RAPH1: variants seen among roughly 807,000 people sequenced by gnomAD.
RAPH1 encodes ras-associated and pleckstrin homology domains-containing protein 1.
RAPH1 carries 18 observed loss-of-function variants against 88.1 expected under a neutral mutation model. The ratio of observed to expected loss-of-function variants is 0.20; its 90% CI spans 0.14 to 0.30. RAPH1 has a LOEUF of 0.30. RAPH1 is among the 10% of genes least tolerant of loss of function. The probability of loss-of-function intolerance (pLI) is 1.00; values close to 1 mark genes in which losing one functional copy is unlikely to be tolerated. For missense variants in RAPH1, 1,448 were observed against 1,543.2 expected (o/e 0.94, Z 1.03); for synonymous variants, 587 against 559.0 (o/e 1.05, Z -0.71).
At chr2:203,476,310 A>C (rs1281886738) in intron 4 of RAPH1, among the ~76,000 whole-genome samples, 1 of 152,060 alleles carries the variant, frequency 6.6e-6, no homozygotes, top group Admixed American at 6.6e-5. Context: ...AGCTGGGATT[A>C]CAGGCATGTG....
chr2:203,519,310 A>T (rs1255327401), intron 1 of RAPH1, among the ~76,000 whole-genome samples: 1 of 152,216 alleles, frequency 6.6e-6, no homozygotes, highest in African/African-American at 2.4e-5. Flanking sequence ...ACCAAGTAAG[A>T]TTTATCTCAA....
chr2:203,516,814 A>C (rs1298479942), intron 1 of RAPH1, among the ~76,000 whole-genome samples: 1 of 152,096 alleles, frequency 6.6e-6, no homozygotes, highest in Non-Finnish European at 1.5e-5. Flanking sequence ...CAGGCGGATC[A>C]TGACGTCAGG....
At chr2:203,473,453 G>C (rs2098534856) in intron 4 of RAPH1, among the ~76,000 whole-genome samples, 1 of 152,062 alleles carries the variant, frequency 6.6e-6, no homozygotes, top group Non-Finnish European at 1.5e-5. Flanking sequence ...AGTAAATTAT[G>C]TAGTTTTAAA....
chr2:203,465,605 C>T (rs982832539), intron 4 of RAPH1, among the ~76,000 whole-genome samples: 16 of 152,100 alleles, frequency 1.1e-4, no homozygotes, highest in Non-Finnish European at 2.2e-4. Flanking sequence ...TGTACAACAC[C>T]GGCAAGGCAT....
chr2:203,481,869 T>C (rs1011305622), intron 4 of RAPH1, among the ~76,000 whole-genome samples: 2 of 151,488 alleles, frequency 1.3e-5, no homozygotes, highest in Admixed American at 6.6e-5. Context: ...CCCAAAGTAT[T>C]AGGATTACGG....
chr2:203,490,206 T>A, intron 3 of RAPH1, 117 bp from the exon 4 acceptor site: 1 of 1,027,724 alleles, frequency 9.7e-7, no homozygotes, highest in Non-Finnish European at 1.4e-6. Flanking sequence ...CAAATAAAAT[T>A]AAGTATTTCT....
At chr2:203,461,948 A>G (rs2098524521) in intron 4 of RAPH1, 23 bp from the exon 5 acceptor site, 6 of 1,585,626 alleles carry the variant, frequency 3.8e-6, no homozygotes, top group Non-Finnish European at 5.2e-6. Flanking sequence ...AGCATTTCAG[A>G]TAAACAATGC....
chr2:203,490,183 G>A lies in RAPH1; in HGVS notation c.227-94C>T, dbSNP rs377142365. The A allele has an allele frequency of 2.9e-5, 37 of 1,260,336 alleles. No individual in the cohort carries two copies. In the African/African-American group the frequency reaches 5.0e-4, roughly 17 times the overall value. 78.1% of individuals were successfully genotyped at this position (1,260,336 alleles called of 1,614,324 possible). A position where few individuals can be genotyped will look rare whatever the true frequency, so the allele number is the denominator to read the frequency against. Reference sequence around the variant, plus strand: ...GTGATGAAGCAAAAGAATATATTTTGTTGGGCCTAAAGCAAATAAAATTAA... The same window carrying A: ...GTGATGAAGCAAAAGAATATATTTTATTGGGCCTAAAGCAAATAAAATTAA... On this transcript the variant is annotated intron_variant, in intron 3 of 13. Coordinates refer to ENST00000319170, the MANE Select transcript of RAPH1 (RefSeq NM_213589.3).
At chr2:203,520,993 G>C (rs1689841199) in intron 1 of RAPH1, among the ~76,000 whole-genome samples, 1 of 152,182 alleles carries the variant, frequency 6.6e-6, no homozygotes, top group Admixed American at 6.5e-5. Context: ...AGAATGAACT[G>C]GATCTATGAA....
chr2:203,448,804 G>T lies in RAPH1; in HGVS notation c.1446C>A (p.Ile482=). The T allele has an allele frequency of 6.2e-7, 1 of 1,610,932 alleles. No individual in the cohort carries two copies. Among genetic ancestry groups the T allele is most frequent in the South Asian group, 1.1e-5 (1 of 90,428 alleles). Residue 482 remains isoleucine, a synonymous_variant, in exon 11 of 14, where the codon ATC becomes ATA. Coordinates refer to ENST00000319170, the MANE Select transcript of RAPH1 (RefSeq NM_213589.3). The surrounding 1 kb of genome is among the most constrained non-coding windows in gnomAD (Gnocchi z 4.1). ...TCACATCATCACAACAAAGGTATTT[G>T]ATATATTGAGATTTCTTCTGGATTT... is the stretch of plus-strand genomic sequence containing the variant. ...HPQIQKKSQY[I]KYLCCDDVRT... is the part of the protein sequence containing the mutation.
intron 7 of RAPH1, among the ~76,000 whole-genome samples, chr2:203,457,825 C>T (rs1047848303): frequency 6.6e-6 from 1 of 152,164 alleles, no homozygotes; most frequent in African/African-American, 2.4e-5. Flanking sequence ...GTCCACTTGT[C>T]ATAAACTGTC....
chr2:203,521,834 C>A (rs1014091987), intron 1 of RAPH1, among the ~76,000 whole-genome samples: 1 of 152,032 alleles, frequency 6.6e-6, no homozygotes, highest in Admixed American at 6.6e-5. Context: ...AATGTACACA[C>A]ACATATGAGG....
At chr2:203,445,153 C>T (rs1273702448) in intron 12 of RAPH1, 143 bp from the exon 13 acceptor site, 1 of 592,546 alleles carries the variant, frequency 1.7e-6, no homozygotes, top group Admixed American at 3.6e-5. Context: ...TCATCATAAA[C>T]ACAGCCAGTA....
At chr2:203,513,351 C>CTTTTTTTTTTTTTTTTTTTTTTTTT (rs35194583) in intron 1 of RAPH1, among the ~76,000 whole-genome samples, 1 of 86,912 alleles carries the variant, frequency 1.2e-5, no homozygotes, top group African/African-American at 4.8e-5. Context: ...TTCTCTCAAT[C>CTTTTTTTTTTTTTTTTTTTTTTTTT]TTTTTTTTTT....
intron 4 of RAPH1, among the ~76,000 whole-genome samples, chr2:203,469,458 G>C (rs539620965): frequency 6.6e-6 from 1 of 152,228 alleles, no homozygotes; most frequent in South Asian, 2.1e-4. Context: ...TACAAGGTTA[G>C]AAAGAAATTA....
At position 203,457,187 on chromosome 2, in the gene RAPH1, ATT is replaced by A. The variant is rs1398168322; in HGVS notation, c.1158+341_1158+342del. Among the ~76,000 whole-genome samples the A allele has an allele frequency of 5.1e-4, 78 of 151,594 alleles. 1 individual carries two copies. The East Asian group carries it at 0.015, about 29-fold the overall frequency. ...ATTTAATATTTTATTTTATTTATTTATTTATTTATTTATTTTATTGAGACAGA... is the reference window on the plus strand; with the variant it reads ...ATTTAATATTTTATTTTATTTATTTATATTTATTTATTTTATTGAGACAGA... On this transcript the variant is annotated intron_variant, in intron 8 of 13. Transcript: ENST00000319170.
chr2:203,530,252 T>A (rs1471433400), intron 1 of RAPH1, among the ~76,000 whole-genome samples: 2 of 152,208 alleles, frequency 1.3e-5, no homozygotes, highest in Non-Finnish European at 2.9e-5. Context: ...CTCATCCAGA[T>A]GAAATTTTAC....
chr2:203,495,316 G>A lies in RAPH1; in HGVS notation c.38C>T (p.Ala13Val), dbSNP rs751899878. ...QLSDEEIDHG[A>V]EEDSDKEDQD... ...ATCTTCCTTGTCACTGTCTTCTTCA[G>A]CACCATGATCAATTTCTTCATCTGA... Residue 13 changes from alanine to valine, a missense_variant, in exon 2 of 14, where the codon GCT becomes GTT. This residue lies in a region of RAPH1 where 513 missense variants were observed against 653.1 expected (regional missense o/e 0.79). Coordinates refer to ENST00000319170, the MANE Select transcript of RAPH1 (RefSeq NM_213589.3). 3 of 1,613,888 alleles carry A rather than the reference G, an allele frequency of 1.9e-6. No homozygotes were observed. In the Admixed American group the frequency reaches 5.0e-5, roughly 27 times the overall value.
At chr2:203,492,148 C>T (rs970850881) in intron 2 of RAPH1, among the ~76,000 whole-genome samples, 35 of 151,148 alleles carry the variant, frequency 2.3e-4, no homozygotes, top group South Asian at 4.2e-4. Flanking sequence ...GCAGGAGAAT[C>T]GCTTAAGCCT....
Sources: allele counts gnomAD v4.1 joint callset (sites outside exome capture counted in the v4.1 genomes callset), GRCh38; gene constraint gnomAD v4.1.1; regional missense constraint gnomAD v4.1.1; non-coding constraint Gnocchi (gnomAD v3.1); transcripts MANE v1.5; gene names NCBI Gene and HGNC (gene_info 2026-07-23, HGNC 2026-07-21).